FER1L5: variants seen among roughly 807,000 people sequenced by gnomAD.
The protein encoded by FER1L5 is fer-1 like family member 5.
Under a neutral mutation model 279.9 loss-of-function variants are expected in FER1L5, and 187 were observed. That is an observed-to-expected ratio of 0.67 (90% confidence interval 0.59 to 0.75). FER1L5 has a LOEUF of 0.75. Ranked by LOEUF, FER1L5 falls within the 30% of genes least tolerant of loss-of-function variation. The pLI, the probability that FER1L5 is intolerant of heterozygous loss-of-function variation, is 0.00. For synonymous variants in FER1L5, 921 were observed against 989.7 expected (o/e 0.93, Z 1.30); for missense variants, 2,091 against 2,594.4 (o/e 0.81, Z 4.21).
intron 45 of FER1L5, 78 bp downstream of exon 45, chr2:96,700,549 A>C (rs2077553571): frequency 1.3e-6 from 2 of 1,590,064 alleles, no homozygotes; most frequent in South Asian, 2.2e-5. Context: ...TCCACCCAGG[A>C]CATAGTCCAC....
Position 96,694,158 on chromosome 2 carries a change from C to T in FER1L5, c.3636+86C>T. ...CCCAGCCAGCGGGGGCCAACTCCAC[C>T]CTGTCAGGAAATGCCTGGGGCCCAG... On this transcript the variant is annotated intron_variant, in intron 33 of 52. Coordinates refer to ENST00000624922, the MANE Select transcript of FER1L5 (RefSeq NM_001293083.2). This position sits in a 1 kb window ranked among gnomAD's most constrained non-coding sequence, Gnocchi z 4.6. The T allele has an allele frequency of 6.8e-7, 1 of 1,461,252 alleles. No individual in the cohort carries two copies. The highest frequency in any genetic ancestry group is 1.4e-5 in the South Asian group (1 of 72,014). 90.5% of individuals were successfully genotyped at this position (1,461,252 alleles called of 1,614,324 possible). A position where few individuals can be genotyped will look rare whatever the true frequency, so the allele number is the denominator to read the frequency against.
chr2:96,703,464 A>G, intron 50 of FER1L5, 59 bp from the exon 51 acceptor site: 2 of 1,610,876 alleles, frequency 1.2e-6, no homozygotes, highest in Non-Finnish European at 1.7e-6. Flanking sequence ...AAGAGGTCCT[A>G]AAACTACCCG....
At chr2:96,688,169 C>T (rs2077005421) in intron 24 of FER1L5, among the ~76,000 whole-genome samples, 1 of 152,208 alleles carries the variant, frequency 6.6e-6, no homozygotes, top group South Asian at 2.1e-4. Flanking sequence ...ATCTCGGACA[C>T]TGCCAGCTCT....
chr2:96,669,264 T>G (rs1320028003), intron 17 of FER1L5, 127 bp downstream of exon 17: 3 of 893,082 alleles, frequency 3.4e-6, no homozygotes, highest in African/African-American at 3.4e-5. Flanking sequence ...GTGGAGGACG[T>G]GAAGCCTGTC....
At chr2:96,653,804 TC>T in intron 8 of FER1L5, 102 bp downstream of exon 8, 1 of 802,100 alleles carries the variant, frequency 1.2e-6, no homozygotes, top group Non-Finnish European at 2.0e-6. Flanking sequence ...CAGGGGCACT[TC>T]AGATTGTCTT....
Position 96,691,739 on chromosome 2 carries a change from G to C in FER1L5, c.3076-86G>C. ...GTTCCTCAGGCTTGCGAGGGTGGCA[G>C]TGTGAGGGAGGAGGGTGACTGGGCC... On this transcript the variant is annotated intron_variant, in intron 29 of 52. Coordinates refer to ENST00000624922, the MANE Select transcript of FER1L5 (RefSeq NM_001293083.2). The surrounding 1 kb of genome is among the most constrained non-coding windows in gnomAD (Gnocchi z 6.0). 1 of 1,551,218 alleles carries C rather than the reference G, an allele frequency of 6.4e-7. No homozygotes were observed. Among genetic ancestry groups the C allele is most frequent in the Non-Finnish European group, 8.7e-7 (1 of 1,146,814 alleles).
intron 19 of FER1L5, among the ~76,000 whole-genome samples, chr2:96,679,835 A>G (rs2106628989): frequency 6.6e-6 from 1 of 152,038 alleles, no homozygotes; most frequent in African/African-American, 2.4e-5. Flanking sequence ...CCTTATTTCC[A>G]TGCCCCTCAC....
chr2:96,681,296 G>A (rs4064943), intron 19 of FER1L5, among the ~76,000 whole-genome samples: 99 of 152,034 alleles, frequency 6.5e-4, no homozygotes, highest in Non-Finnish European at 9.0e-4. Context: ...ACAATGAGCC[G>A]TGATCATGCC....
In FER1L5 at chr2:96,662,240, G is replaced by A. The variant is rs1430587810; in HGVS notation, c.1044G>A (p.Gln348=). 1 of 1,551,512 alleles carries A rather than the reference G, an allele frequency of 6.4e-7. No homozygotes were observed. Among genetic ancestry groups the A allele is most frequent in the Non-Finnish European group, 8.7e-7 (1 of 1,146,964 alleles). ...HLKKHQSVNP[Q]LEVELIGEKL... is the part of the protein sequence containing the mutation. ...AGAAACACCAGTCAGTGAATCCTCA[G>A]TTGGAGGTGGAACTAATTGGGGAAA... The change falls in exon 13 of 53, where the codon CAG becomes CAA. Residue 348 remains glutamine, a synonymous_variant. Coordinates refer to ENST00000624922, the MANE Select transcript of FER1L5 (RefSeq NM_001293083.2).
chr2:96,671,106 C>CAAAAAAAAAAAAAAA (rs750341048), intron 18 of FER1L5, among the ~76,000 whole-genome samples: 3,430 of 40,134 alleles, frequency 0.085, 1,032 homozygotes, highest in African/African-American at 0.2. Flanking sequence ...GACTCCATCT[C>CAAAAAAAAAAAAAAA]AAAAAAAAAA....
intron 9 of FER1L5, among the ~76,000 whole-genome samples, chr2:96,655,963 C>T (rs1318342892): frequency 6.6e-6 from 1 of 152,172 alleles, no homozygotes; most frequent in African/African-American, 2.4e-5. Context: ...CCTCCCACCT[C>T]AGCCTTCCAA....
chr2:96,664,137 AAG>A (rs372715688), intron 14 of FER1L5, among the ~76,000 whole-genome samples: 10 of 150,936 alleles, frequency 6.6e-5, no homozygotes, highest in South Asian at 2.1e-4. Flanking sequence ...GAAAAAAGAA[AAG>A]AGAGAGAGAG....
Position 96,700,349 on chromosome 2 carries a change from G to A in FER1L5, c.4948G>A (p.Val1650Ile). 1 of 1,613,396 alleles carries A rather than the reference G, an allele frequency of 6.2e-7. No individual in the cohort carries two copies. The highest frequency in any genetic ancestry group is 8.5e-7 in the Non-Finnish European group (1 of 1,179,854). The change falls in exon 45 of 53, where the codon GTT becomes ATT. Residue 1650 changes from valine to isoleucine, a missense_variant. Physicochemically the swap from Val to Ile is conservative, Grantham distance 29. Coordinates refer to ENST00000624922, the MANE Select transcript of FER1L5 (RefSeq NM_001293083.2). ...CAATCCAGAGCCCAAAACCCCTACT[G>A]TTCATGGTTTGGGACCCAAGAAGGA... ...LQSFEPKTPT[V>I]HGLGPKKERL...
chr2:96,702,779 C>G lies in FER1L5; in HGVS notation c.5397+38C>G, dbSNP rs370111060. 50 of 1,607,530 alleles carry G rather than the reference C, an allele frequency of 3.1e-5. No individual in the cohort carries two copies. Among genetic ancestry groups the G allele is most frequent in the Middle Eastern group, 3.3e-4 (2 of 6,078 alleles). ...GGGCGTGAGGGGCAACAGGCCACAA[C>G]AAACAGACCCAGGCTCCTGGAGCTC... is the stretch of plus-strand genomic sequence containing the variant. On this transcript the variant is annotated intron_variant, in intron 48 of 52. Transcript: ENST00000624922. This position sits in a 1 kb window ranked among gnomAD's most constrained non-coding sequence, Gnocchi z 4.0.
chr2:96,681,458 G>A (rs1017727609), intron 19 of FER1L5, among the ~76,000 whole-genome samples: 2 of 152,236 alleles, frequency 1.3e-5, no homozygotes, highest in Non-Finnish European at 2.9e-5. Flanking sequence ...TCTGGAGAAT[G>A]AAACTTTAGC....
intron 13 of FER1L5, among the ~76,000 whole-genome samples, chr2:96,662,698 GT>G (rs1188149674): frequency 6.6e-6 from 1 of 152,192 alleles, no homozygotes; most frequent in Non-Finnish European, 1.5e-5. Context: ...CTAGGTTACA[GT>G]TAAACAGATA....
At chr2:96,679,805 G>GTTACTTTTCTTA (rs1443366025) in intron 19 of FER1L5, among the ~76,000 whole-genome samples, 7 of 151,860 alleles carry the variant, frequency 4.6e-5, no homozygotes, top group African/African-American at 1.7e-4. Context: ...TTTCATTTCG[G>GTTACTTTTCTTA]TTACTTTTCT....
chr2:96,645,991 GT>G (rs1558831817), intron 1 of FER1L5, among the ~76,000 whole-genome samples: 1 of 127,226 alleles, frequency 7.9e-6, no homozygotes, highest in East Asian at 2.4e-4. Flanking sequence ...TTGACTTGAA[GT>G]TTTCTTTTTT....
chr2:96,688,297 A>G (rs551242252), intron 24 of FER1L5, among the ~76,000 whole-genome samples: 1 of 152,278 alleles, frequency 6.6e-6, no homozygotes, highest in East Asian at 1.9e-4. Flanking sequence ...CTAGTTCATC[A>G]ACAGCACGTG....
Sources: gnomAD v4.1 joint callset for allele counts (sites outside exome capture counted in the v4.1 genomes callset) on GRCh38, gnomAD v4.1.1 for gene constraint, Gnocchi (gnomAD v3.1) non-coding constraint, MANE v1.5 for transcripts, NCBI Gene and HGNC (gene_info 2026-07-23, HGNC 2026-07-21) for gene names.